SPAM1: variants seen among roughly 807,000 people sequenced by gnomAD.
SPAM1 encodes the protein hyaluronidase PH-20.
In SPAM1, 22 loss-of-function variants were observed where a neutral mutation model predicts 29.6. That is an observed-to-expected ratio of 0.74 (90% confidence interval 0.53 to 1.06). SPAM1 has a LOEUF of 1.06. Ranked by LOEUF, SPAM1 falls within the 50% of genes least tolerant of loss-of-function variation. The pLI is 0.00. For missense variants in SPAM1, 534 were observed against 604.0 expected (o/e 0.88, Z 1.21); for synonymous variants, 194 against 204.6 (o/e 0.95, Z 0.44).
chr7:123,966,613 T>C (rs1230477839), intron 5 of SPAM1, among the ~76,000 whole-genome samples: 3 of 152,114 alleles, frequency 2.0e-5, no homozygotes, highest in African/African-American at 7.2e-5. Flanking sequence ...ATTATGTCCT[T>C]TGCAGGGACA....
chr7:123,970,888 A>G (rs1363481646), intron 6 of SPAM1: 1 of 152,068 alleles, frequency 6.6e-6, no homozygotes, highest in Non-Finnish European at 1.5e-5. Flanking sequence ...GATATTAAAT[A>G]AAGAGGTTTT....
At chr7:123,951,375 GTA>G (rs1390218096) in intron 2 of SPAM1, among the ~76,000 whole-genome samples, 1 of 152,034 alleles carries the variant, frequency 6.6e-6, no homozygotes, top group Non-Finnish European at 1.5e-5. Flanking sequence ...GCTTTTCTCT[GTA>G]AACAGGTAAA....
chr7:123,939,984 T>G (rs1216095044), intron 1 of SPAM1, among the ~76,000 whole-genome samples: 1 of 152,210 alleles, frequency 6.6e-6, no homozygotes, highest in African/African-American at 2.4e-5. Flanking sequence ...TTATCACTTT[T>G]CCTTGTTGTT....
At chr7:123,938,087 CTT>C (rs112674188) in intron 1 of SPAM1, among the ~76,000 whole-genome samples, 8 of 137,002 alleles carry the variant, frequency 5.8e-5, no homozygotes, top group Non-Finnish European at 6.4e-5. Context: ...ACAAAATGTG[CTT>C]TTTTTTTTTT....
In SPAM1 at chr7:123,959,960, G is replaced by T. The variant is rs757443409; in HGVS notation, c.1521G>T (p.Ala507=). The part of the protein sequence containing the change: ...SILFLIISSV[A]SL ...TGTTTCTTATCATTTCTTCTGTAGCGAGTTTGTAATTGCGCAGGTTAGCTG... is the reference window on the plus strand; with the variant it reads ...TGTTTCTTATCATTTCTTCTGTAGCTAGTTTGTAATTGCGCAGGTTAGCTG... The change falls in exon 5 of 5, where the codon GCG becomes GCT. Residue 507 remains alanine, a synonymous_variant. Coordinates refer to ENST00000682466, the MANE Select transcript of SPAM1 (RefSeq NM_153189.3). 6.2e-7 allele frequency: 1 copy of T among 1,605,822 alleles called. No homozygotes were observed.
At chr7:123,951,249 G>A (rs1808754609) in intron 2 of SPAM1, among the ~76,000 whole-genome samples, 1 of 152,040 alleles carries the variant, frequency 6.6e-6, no homozygotes, top group Non-Finnish European at 1.5e-5. Context: ...CTGTGCAGAT[G>A]CTTTTTAGTT....
intron 1 of SPAM1, among the ~76,000 whole-genome samples, chr7:123,936,604 A>T (rs1808250271): frequency 1.3e-5 from 2 of 152,202 alleles, no homozygotes; most frequent in East Asian, 3.9e-4. Flanking sequence ...GAGCAAGCTA[A>T]CCTAATGTTT....
chr7:123,965,252 A>G (rs1406362188), intron 5 of SPAM1, among the ~76,000 whole-genome samples: 1 of 151,906 alleles, frequency 6.6e-6, no homozygotes, highest in East Asian at 2.0e-4. Context: ...ACACAAGGGA[A>G]CTAGTTCCTA....
chr7:123,925,569 C>T (rs1807851049), intron 1 of SPAM1: 1 of 151,912 alleles, frequency 6.6e-6, no homozygotes, highest in Non-Finnish European at 1.5e-5. Context: ...AAATGAGTTC[C>T]TTGGTCTGAT....
intron 1 of SPAM1, among the ~76,000 whole-genome samples, chr7:123,945,706 A>G (rs1395273619): frequency 6.6e-6 from 1 of 152,166 alleles, no homozygotes. Flanking sequence ...GGTATTGAAG[A>G]TGGTGAAAGG....
chr7:123,929,895 A>AT (rs71163712), intron 1 of SPAM1, among the ~76,000 whole-genome samples: 3,175 of 119,790 alleles, frequency 0.027, 119 homozygotes, highest in African/African-American at 0.072. Context: ...GTGTTTAGGG[A>AT]TTTTTTTTTT....
chr7:123,940,498 T>A (rs78896335), intron 1 of SPAM1, among the ~76,000 whole-genome samples: 34 of 151,606 alleles, frequency 2.2e-4, no homozygotes, highest in African/African-American at 6.0e-4. Context: ...TTTTTTTTTT[T>A]AATTTTAAGA....
At chr7:123,928,168 A>G (rs572525675) in intron 1 of SPAM1, among the ~76,000 whole-genome samples, 1 of 152,214 alleles carries the variant, frequency 6.6e-6, no homozygotes, top group South Asian at 2.1e-4. Context: ...TCAATTCCTT[A>G]TTTTTCATCT....
At chr7:123,968,813 ATC>A (rs1482246295) in intron 5 of SPAM1, among the ~76,000 whole-genome samples, 1 of 151,956 alleles carries the variant, frequency 6.6e-6, no homozygotes, top group East Asian at 1.9e-4. Context: ...TTGTTTCCTC[ATC>A]TGTGTGAGAA....
At chr7:123,937,432 T>C (rs1422955562) in intron 1 of SPAM1, among the ~76,000 whole-genome samples, 1 of 151,856 alleles carries the variant, frequency 6.6e-6, no homozygotes, top group Non-Finnish European at 1.5e-5. Flanking sequence ...AAATCCCGTC[T>C]CTACTAAAAA....
In SPAM1 at chr7:123,940,803, A is replaced by G. The variant is rs550670743; in HGVS notation, c.-318-9069A>G. 1.7e-3 allele frequency among the ~76,000 whole-genome samples: 254 copies of G among 152,270 alleles called. 1 individual carries two copies. The highest frequency in any genetic ancestry group is 2.9e-3 in the Non-Finnish European group (194 of 68,018). ...GAGCTATGGTGGTGCTTGAACCTAT[A>G]ATGCATTTTTAAAATGTGAAAGTAC... On this transcript the variant is annotated intron_variant, in intron 1 of 4. Coordinates refer to ENST00000682466, the MANE Select transcript of SPAM1 (RefSeq NM_153189.3).
chr7:123,970,062 G>T (rs1474214585), intron 5 of SPAM1: 2 of 754,854 alleles, frequency 2.6e-6, no homozygotes, highest in Non-Finnish European at 2.0e-6. Flanking sequence ...TTTAGTCCGG[G>T]TTCACTTTCT....
At chr7:123,970,592 A>AAATAATAATAATAATAATAATAAT (rs150055865) in intron 6 of SPAM1, among the ~76,000 whole-genome samples, 18 of 146,246 alleles carry the variant, frequency 1.2e-4, no homozygotes, top group African/African-American at 4.1e-4. Context: ...CCATCTCTAC[A>AAATAATAATAATAATAATAATAAT]AATAATAATA....
At chr7:123,970,334 T>C (rs55987967) in intron 6 of SPAM1, 37,858 of 1,457,028 alleles carry the variant, frequency 0.026, 607 homozygotes, top group Middle Eastern at 0.079. Flanking sequence ...TATGTTTCTG[T>C]CTGTGACCTT....
Sources: allele counts gnomAD v4.1 joint callset (sites outside exome capture counted in the v4.1 genomes callset), GRCh38; gene constraint gnomAD v4.1.1; transcripts MANE v1.5; gene names NCBI Gene and HGNC (gene_info 2026-07-23, HGNC 2026-07-21).